TOGARAM2: variants seen among roughly 807,000 people sequenced by gnomAD.
TOGARAM2 encodes TOG array regulator of axonemal microtubules 2, also known as TOG array regulator of axonemal microtubules protein 2.
In TOGARAM2, 85 loss-of-function variants were observed where a neutral mutation model predicts 93.3. The observed-to-expected ratio is 0.91, with a 90% CI of 0.76 to 1.09. The LOEUF (loss-of-function observed/expected upper bound fraction) is 1.09, where lower values mean the gene tolerates loss of function less well. TOGARAM2 is among the 50% of genes least tolerant of loss of function. The pLI is 0.00. For missense variants in TOGARAM2, 1,277 were observed against 1,334.5 expected, an observed-to-expected ratio of 0.96 and a Z score of 0.67; for synonymous variants, 593 against 552.8, an observed-to-expected ratio of 1.07 and a Z score of -1.02.
intron 10 of TOGARAM2, among the ~76,000 whole-genome samples, chr2:29,019,747 T>C (rs1022002150): frequency 1.3e-5 from 2 of 152,220 alleles, no homozygotes; most frequent in African/African-American, 4.8e-5. Context: ...TCCTGGAAGC[T>C]GTATTTGAAT....
At chr2:29,012,946 C>G (rs1664341163) in intron 7 of TOGARAM2, among the ~76,000 whole-genome samples, 1 of 152,240 alleles carries the variant, frequency 6.6e-6, no homozygotes, top group African/African-American at 2.4e-5. Flanking sequence ...ATCCTTCTCC[C>G]TGCACCAAGC....
At chr2:29,029,262 T>TACACACACACAC (rs1192229516) in intron 14 of TOGARAM2, among the ~76,000 whole-genome samples, 2 of 93,112 alleles carry the variant, frequency 2.1e-5, no homozygotes, top group East Asian at 3.2e-4. Context: ...TGTATGTGTG[T>TACACACACACAC]ATACACACAC....
At chr2:29,004,252 G>T (rs184800958) in intron 6 of TOGARAM2, among the ~76,000 whole-genome samples, 89 of 152,240 alleles carry the variant, frequency 5.8e-4, no homozygotes, top group Non-Finnish European at 9.6e-4. Context: ...CAAAGTGCTG[G>T]GATTATAGGT....
At chr2:29,004,342 A>G (rs13034535) in intron 6 of TOGARAM2, among the ~76,000 whole-genome samples, 1 of 152,042 alleles carries the variant, frequency 6.6e-6, no homozygotes, top group Non-Finnish European at 1.5e-5. Flanking sequence ...GTAATTAAAT[A>G]TTTTCTTAAT....
intron 5 of TOGARAM2, among the ~76,000 whole-genome samples, chr2:29,003,023 C>G (rs1673400423): frequency 6.6e-6 from 1 of 152,212 alleles, no homozygotes; most frequent in Non-Finnish European, 1.5e-5. Context: ...TGGTGGTCCC[C>G]TAGGCCTTCT....
At chr2:28,996,317 T>A (rs1406239557) in intron 2 of TOGARAM2, among the ~76,000 whole-genome samples, 2 of 152,172 alleles carry the variant, frequency 1.3e-5, no homozygotes, top group Non-Finnish European at 2.9e-5. Flanking sequence ...GTCACCCTAC[T>A]ATACTATCAA....
At chr2:29,012,901 G>A (rs1664338152) in intron 7 of TOGARAM2, among the ~76,000 whole-genome samples, 1 of 152,210 alleles carries the variant, frequency 6.6e-6, no homozygotes, top group Admixed American at 6.5e-5. Context: ...CTGGGCAGAT[G>A]AGGCTTCAAA....
At chr2:29,020,654 C>T (rs11893979) in intron 10 of TOGARAM2, among the ~76,000 whole-genome samples, 2,672 of 152,178 alleles carry the variant, frequency 0.018, 66 homozygotes, top group African/African-American at 0.061. Context: ...CTGTGGGGTG[C>T]GGTGAAGGCG....
intron 10 of TOGARAM2, among the ~76,000 whole-genome samples, chr2:29,020,356 C>T (rs535287801): frequency 1.3e-5 from 2 of 152,284 alleles, no homozygotes; most frequent in South Asian, 2.1e-4. Context: ...AGAGGACAAG[C>T]GGGACCTTTG....
intron 5 of TOGARAM2, 60 bp downstream of exon 5, chr2:29,002,807 C>T: frequency 3.3e-6 from 5 of 1,502,848 alleles, no homozygotes; most frequent in Non-Finnish European, 4.5e-6. Flanking sequence ...CTTCCTCCTG[C>T]CTTTCTTTCT....
intron 10 of TOGARAM2, chr2:29,018,476 A>AT (rs60730164): frequency 0.013 from 1,987 of 148,608 alleles, 36 homozygotes; most frequent in African/African-American, 0.045. Context: ...ATGTTGCCTC[A>AT]TTTTTTTTTT....
At chr2:28,983,866 G>A (rs1413953856) in intron 1 of TOGARAM2, among the ~76,000 whole-genome samples, 1 of 152,100 alleles carries the variant, frequency 6.6e-6, no homozygotes, top group East Asian at 1.9e-4. Flanking sequence ...TGGGATGGTG[G>A]TAGCATCTCA....
chr2:29,026,829 C>G, intron 13 of TOGARAM2, 24 bp from the exon 14 acceptor site: 1 of 1,564,932 alleles, frequency 6.4e-7, no homozygotes. Context: ...TGAGACTGAC[C>G]CCTGGGCCAT....
intron 14 of TOGARAM2, among the ~76,000 whole-genome samples, chr2:29,031,139 A>G: frequency 6.6e-6 from 1 of 152,208 alleles, no homozygotes; most frequent in East Asian, 1.9e-4. Flanking sequence ...CAGTTGGGCT[A>G]GGCAGTGATT....
Position 29,002,742 on chromosome 2 carries a change from C to T in TOGARAM2, c.634C>T (p.Gln212Ter), listed in dbSNP as rs1673383263. ...TCCTCACGAGTTGAGACCCGGTGCT[C>T]AGGAGGTAAGGTGGTTCGACTGCTG... ...PGPHELRPGA[Q>*]EAQISWQYLH... The change falls in exon 5 of 20, where the codon CAG (glutamine) becomes TAG (stop). Residue 212 changes from glutamine (Q) to a stop codon, truncating the protein, a stop_gained. Transcript: ENST00000379558. LOFTEE classifies it high-confidence loss of function. The T allele has an allele frequency of 1.9e-6, 3 of 1,613,002 alleles. No homozygotes were observed. Among genetic ancestry groups the T allele is most frequent in the African/African-American group, 1.3e-5 (1 of 74,930 alleles).
chr2:29,023,202 C>T lies in TOGARAM2; in HGVS notation c.1617+11C>T, dbSNP rs1359375259. On this transcript the variant is annotated intron_variant, in intron 12 of 19. Transcript: ENST00000379558. ...GTGGTGACTGGGGAGGTGAGGCCCC[C>T]CAGCCTGTGTGCTGTGCATTTGGCC... 7 of 1,568,500 alleles carry T rather than the reference C, an allele frequency of 4.5e-6. No individual in the cohort carries two copies. Among genetic ancestry groups the T allele is most frequent in the Admixed American group, 1.9e-5 (1 of 52,942 alleles).
At chr2:28,957,371 G>A (rs1000234487) in intron 1 of TOGARAM2, among the ~76,000 whole-genome samples, 16 of 152,126 alleles carry the variant, frequency 1.1e-4, no homozygotes, top group Middle Eastern at 3.4e-3. Context: ...AGTAGAGACG[G>A]GGTTTCGCCA....
intron 7 of TOGARAM2, among the ~76,000 whole-genome samples, chr2:29,013,206 G>A (rs1664355020): frequency 6.6e-6 from 1 of 152,216 alleles, no homozygotes; most frequent in Admixed American, 6.5e-5. Context: ...AAAATCCGCT[G>A]ATGGGGAAGA....
At position 28,991,235 on chromosome 2, in the gene TOGARAM2, G is replaced by C. The variant is rs577743418; in HGVS notation, c.-110-3490G>C. Among the ~76,000 whole-genome samples, 20 of 152,216 alleles carry C rather than the reference G, an allele frequency of 1.3e-4. No individual in the cohort carries two copies. In the South Asian group the frequency reaches 4.1e-3, roughly 32 times the overall value. On this transcript the variant is annotated intron_variant, in intron 1 of 19. Coordinates refer to ENST00000379558, the MANE Select transcript of TOGARAM2 (RefSeq NM_199280.4). ...CAGCTTGCCAAGTTTACACAAGAGG[G>C]CCCGGGGCAGGATTCCAGCCCCACT...
Sources: allele counts gnomAD v4.1 joint callset (sites outside exome capture counted in the v4.1 genomes callset), GRCh38; gene constraint gnomAD v4.1.1; transcripts MANE v1.5; gene names NCBI Gene and HGNC (gene_info 2026-07-23, HGNC 2026-07-21).